Variants in GRM7 observed in about 807,000 individuals in gnomAD.
GRM7 encodes glutamate metabotropic receptor 7, also known as metabotropic glutamate receptor 7.
In GRM7, 35 loss-of-function variants were observed where a neutral mutation model predicts 84.5. The ratio of observed to expected loss-of-function variants is 0.41; its 90% CI spans 0.32 to 0.55. The LOEUF is 0.55. Among genes scored for constraint, GRM7 ranks in the 20% least tolerant of loss-of-function variants. The pLI, the probability that GRM7 is intolerant of heterozygous loss-of-function variation, is 0.19. For missense variants in GRM7, 1,003 were observed against 1,194.6 expected (o/e 0.84, Z 2.36); for synonymous variants, 487 against 455.1 (o/e 1.07, Z -0.89).
At chr3:7,536,722 A>G (rs1423436285) in intron 7 of GRM7, among the ~76,000 whole-genome samples, 2 of 152,186 alleles carry the variant, frequency 1.3e-5, no homozygotes, top group Admixed American at 1.3e-4. Context: ...CCTCCTGCCC[A>G]CAGCCTTGAG....
At position 7,551,326 on chromosome 3, in the gene GRM7, A is replaced by T. The variant is rs560557681; in HGVS notation, c.1516-27096A>T. Reference sequence around the variant, plus strand: ...ACTCAGGGTTTTTCACGTGTAAAACAACCTACAGGTTGTACAGCATGCATC... The same window carrying T: ...ACTCAGGGTTTTTCACGTGTAAAACTACCTACAGGTTGTACAGCATGCATC... On this transcript the variant is annotated intron_variant, in intron 7 of 9. Transcript: ENST00000357716. 7.9e-5 allele frequency among the ~76,000 whole-genome samples: 12 copies of T among 152,318 alleles called. No homozygotes were observed. The East Asian group carries it at 2.3e-3, about 29-fold the overall frequency.
At chr3:7,535,008 C>T (rs1196075764) in intron 7 of GRM7, among the ~76,000 whole-genome samples, 1 of 152,184 alleles carries the variant, frequency 6.6e-6, no homozygotes, top group African/African-American at 2.4e-5. Context: ...TGTCCTTCAG[C>T]TAACTTCTCT....
At chr3:7,324,072 A>G (rs1700888232) in intron 4 of GRM7, among the ~76,000 whole-genome samples, 1 of 152,120 alleles carries the variant, frequency 6.6e-6, no homozygotes, top group South Asian at 2.1e-4. Context: ...TTAGGACCCA[A>G]GGAAACCAGT....
intron 9 of GRM7, among the ~76,000 whole-genome samples, chr3:7,735,219 T>C (rs1702464504): frequency 2.6e-5 from 4 of 152,196 alleles, no homozygotes; most frequent in Admixed American, 2.0e-4. Context: ...AATGGTTTCA[T>C]ACAAAAGTTA....
chr3:7,425,624 A>G (rs1465347110), intron 5 of GRM7, among the ~76,000 whole-genome samples: 1 of 152,218 alleles, frequency 6.6e-6, no homozygotes, highest in Non-Finnish European at 1.5e-5. Flanking sequence ...GGTCCAACAC[A>G]CTGGCAGAAG....
At chr3:6,866,361 A>G (rs340656) in intron 1 of GRM7, among the ~76,000 whole-genome samples, 85,612 of 151,352 alleles carry the variant, frequency 0.57, 24,466 homozygotes, top group South Asian at 0.61. Flanking sequence ...TTCTTTAAAA[A>G]TGTAGTTTCT....
At chr3:6,971,304 CT>C (rs1693752080) in intron 1 of GRM7, among the ~76,000 whole-genome samples, 1 of 152,126 alleles carries the variant, frequency 6.6e-6, no homozygotes, top group Non-Finnish European at 1.5e-5. Flanking sequence ...AATATTTTAA[CT>C]TTTAAAAATT....
rs141321241 is a variant in GRM7, at chr3:7,478,605, G to C, written c.1515+16883G>C. ...TGGTCAACAGCTCTTGATGAAATAGGGTCCTGAAGCCTCCTGTCTTATTAA... is the reference window on the plus strand; with the variant it reads ...TGGTCAACAGCTCTTGATGAAATAGCGTCCTGAAGCCTCCTGTCTTATTAA... On this transcript the variant is annotated intron_variant, in intron 7 of 9. Coordinates refer to ENST00000357716, the MANE Select transcript of GRM7 (RefSeq NM_000844.4). Among the ~76,000 whole-genome samples, 6 of 152,226 alleles carry C rather than the reference G, an allele frequency of 3.9e-5. No individual in the cohort carries two copies. In the East Asian group the frequency reaches 1.2e-3, roughly 29 times the overall value.
intron 1 of GRM7, among the ~76,000 whole-genome samples, chr3:7,038,330 A>T (rs1696458011): frequency 6.6e-6 from 1 of 152,220 alleles, no homozygotes; most frequent in Non-Finnish European, 1.5e-5. Context: ...CTTCTTAAGA[A>T]TCAGGATTCT....
intron 2 of GRM7, among the ~76,000 whole-genome samples, chr3:7,193,122 A>G (rs996517520): frequency 7.9e-5 from 12 of 152,034 alleles, no homozygotes; most frequent in African/African-American, 2.7e-4. Flanking sequence ...CTATACCAGT[A>G]CCTCTGGTTA....
intron 5 of GRM7, among the ~76,000 whole-genome samples, chr3:7,438,822 G>C (rs1477053973): frequency 6.6e-6 from 1 of 151,608 alleles, no homozygotes; most frequent in African/African-American, 2.4e-5. Context: ...ATTCATCTGG[G>C]GGACACACAC....
rs570418827 is a variant in GRM7 at position 7,646,690 on chromosome 3, T to C, written c.2452-33359T>C. On this transcript the variant is annotated intron_variant, in intron 8 of 9. Transcript: ENST00000357716. Reference sequence around the variant, plus strand: ...AAACCTTCCTGTGCTTCATGGTGATTTTGGGGGGGAAGGTTATATGTATAT... The same window carrying C: ...AAACCTTCCTGTGCTTCATGGTGATCTTGGGGGGGAAGGTTATATGTATAT... 3.3e-5 allele frequency among the ~76,000 whole-genome samples: 5 copies of C among 152,090 alleles called. No individual in the cohort carries two copies. The East Asian group carries it at 9.6e-4, about 29-fold the overall frequency.
rs6804606 is a variant in GRM7, at chr3:7,270,652, A to G, written c.737-28032A>G. On this transcript the variant is annotated intron_variant, in intron 2 of 9. Transcript: ENST00000357716. ...GTGTAGTTTGAAGACCAGCAGCTTCAGCATAACTGTAAACAAACGCAGTTA... is the reference window on the plus strand; with the variant it reads ...GTGTAGTTTGAAGACCAGCAGCTTCGGCATAACTGTAAACAAACGCAGTTA... Among the ~76,000 whole-genome samples, 292 of 152,322 alleles carry G rather than the reference A, an allele frequency of 1.9e-3. 1 individual carries two copies. The highest frequency in any genetic ancestry group is 6.4e-3 in the African/African-American group (266 of 41,586).
chr3:7,219,588 A>G (rs1271570859), intron 2 of GRM7, among the ~76,000 whole-genome samples: 2 of 152,228 alleles, frequency 1.3e-5, no homozygotes, highest in Non-Finnish European at 2.9e-5. Context: ...AATTAGGGAC[A>G]TTAATATGAG....
At chr3:7,193,953 T>C (rs746615551) in intron 2 of GRM7, among the ~76,000 whole-genome samples, 4 of 152,090 alleles carry the variant, frequency 2.6e-5, no homozygotes, top group Non-Finnish European at 4.4e-5. Context: ...TACTTCAAGA[T>C]TAAAAATTAT....
intron 8 of GRM7, among the ~76,000 whole-genome samples, chr3:7,635,723 G>C (rs1255024796): frequency 6.6e-6 from 1 of 152,144 alleles, no homozygotes; most frequent in African/African-American, 2.4e-5. Context: ...GCCCAGGCTA[G>C]AGTGCAGTGG....
chr3:7,302,466 C>T (rs1700035978), intron 3 of GRM7, among the ~76,000 whole-genome samples: 1 of 152,024 alleles, frequency 6.6e-6, no homozygotes, highest in South Asian at 2.1e-4. Flanking sequence ...TCAGTTTTTA[C>T]TTTCTTTTCC....
At chr3:7,451,582 A>G (rs1263723700) in intron 5 of GRM7, among the ~76,000 whole-genome samples, 1 of 152,146 alleles carries the variant, frequency 6.6e-6, no homozygotes, top group African/African-American at 2.4e-5. Context: ...AATGAAAAGA[A>G]TGTGGGCTTT....
chr3:7,043,302 C>T (rs1696696535), intron 1 of GRM7, among the ~76,000 whole-genome samples: 1 of 152,154 alleles, frequency 6.6e-6, no homozygotes, highest in South Asian at 2.1e-4. Context: ...GTATGGCATT[C>T]TGCCCTGTGA....
Sources: allele counts gnomAD v4.1 joint callset (sites outside exome capture counted in the v4.1 genomes callset), GRCh38; gene constraint gnomAD v4.1.1; transcripts MANE v1.5; gene names NCBI Gene and HGNC (gene_info 2026-07-23, HGNC 2026-07-21).